SHROOM4: variants seen among roughly 807,000 people sequenced by gnomAD.
The protein encoded by SHROOM4 is protein Shroom4.
A neutral mutation model predicts 80.3 loss-of-function variants in SHROOM4; 17 were observed. The ratio of observed to expected loss-of-function variants is 0.21; its 90% CI spans 0.14 to 0.32. The LOEUF (loss-of-function observed/expected upper bound fraction) is 0.32. SHROOM4 is among the 10% of genes least tolerant of loss of function. SHROOM4 has a pLI of 1.00. For missense variants in SHROOM4, 993 were observed against 1,140.3 expected, an observed-to-expected ratio of 0.87 and a Z score of 1.86; for synonymous variants, 400 against 437.5, an observed-to-expected ratio of 0.91 and a Z score of 1.07.
At chrX:50,743,606 T>C (rs193184041) in intron 1 of SHROOM4, among the ~76,000 whole-genome samples, 39 of 109,943 alleles carry the variant, frequency 3.5e-4, no homozygotes, top group African/African-American at 1.3e-3. Context: ...TATAGGCACG[T>C]GCCACTACAC....
chrX:50,723,393 G>GGAGAGGGAGAGA (rs1557265632), intron 1 of SHROOM4, among the ~76,000 whole-genome samples: 1 of 54,481 alleles, frequency 1.8e-5, no homozygotes, highest in Non-Finnish European at 3.3e-5. Flanking sequence ...AGCAAGGGAG[G>GGAGAGGGAGAGA]GAGAGAGAGA....
At chrX:50,630,420 C>T (rs1931006386) in intron 4 of SHROOM4, among the ~76,000 whole-genome samples, 1 of 111,714 alleles carries the variant, frequency 9.0e-6, no homozygotes, top group Admixed American at 9.5e-5. Flanking sequence ...ATCCCCACAA[C>T]CAACTTATGA....
intron 1 of SHROOM4, 87 bp from the exon 2 acceptor site, chrX:50,696,024 C>T: frequency 9.5e-7 from 1 of 1,057,460 alleles, no homozygotes; most frequent in Non-Finnish European, 1.3e-6. Context: ...CCTGGAGCCA[C>T]AAGTAGTACT....
intron 2 of SHROOM4, among the ~76,000 whole-genome samples, chrX:50,690,222 T>C (rs1933186417): frequency 8.9e-6 from 1 of 112,114 alleles, no homozygotes; most frequent in African/African-American, 3.2e-5. Context: ...TTAAGTTCTC[T>C]GAGATTTTCA....
chrX:50,766,361 CACA>C (rs1208146130), intron 1 of SHROOM4, among the ~76,000 whole-genome samples: 1 of 111,421 alleles, frequency 9.0e-6, no homozygotes, highest in East Asian at 2.8e-4. Flanking sequence ...GACACACACA[CACA>C]CAGGATCACA....
chrX:50,732,747 C>G (rs1418929359), intron 1 of SHROOM4, among the ~76,000 whole-genome samples: 1 of 112,239 alleles, frequency 8.9e-6, no homozygotes. Context: ...ATAACCTTAA[C>G]AAGTGAAGAG....
At chrX:50,666,857 A>G (rs1485051549) in intron 2 of SHROOM4, among the ~76,000 whole-genome samples, 1 of 108,115 alleles carries the variant, frequency 9.2e-6, no homozygotes, top group Non-Finnish European at 1.9e-5. Context: ...CCCCCAGAGG[A>G]AAAAAAAAAC....
chrX:50,586,928 G>GT lies in SHROOM4; in HGVS notation c.*9766dup, dbSNP rs1306984516. 5.4e-5 allele frequency among the ~76,000 whole-genome samples: 6 copies of GT among 111,813 alleles called. No individual in the cohort carries two copies. The highest frequency in any genetic ancestry group is 1.1e-4 in the Non-Finnish European group (6 of 53,110). Reference sequence around the variant, plus strand: ...CCTCACATAATTACCCTCTTTTGCAGTAAGAGCACCTGAAATCTACTCTTA... The same window carrying GT: ...CCTCACATAATTACCCTCTTTTGCAGTTAAGAGCACCTGAAATCTACTCTTA... On this transcript the variant is annotated 3_prime_UTR_variant, in exon 9 of 9. Coordinates refer to ENST00000376020, the MANE Select transcript of SHROOM4 (RefSeq NM_020717.5).
At chrX:50,807,086 T>C (rs1936240247) in intron 1 of SHROOM4, among the ~76,000 whole-genome samples, 1 of 112,217 alleles carries the variant, frequency 8.9e-6, no homozygotes. Flanking sequence ...AAGACACGTT[T>C]CCTAGACCTC....
Position 50,618,542 on chromosome X carries a change from C to T in SHROOM4, c.2957+9072G>A, listed in dbSNP as rs140112292. 5.7e-3 allele frequency among the ~76,000 whole-genome samples: 618 copies of T among 109,237 alleles called. 15 individuals carry two copies. Among genetic ancestry groups the T allele is most frequent in the Admixed American group, 0.048 (488 of 10,139 alleles). The allele number at this position is 109,237 out of a possible 115,157, so 94.9% of individuals were successfully genotyped here. A position where few individuals can be genotyped will look rare whatever the true frequency, so the allele number is the denominator to read the frequency against. On this transcript the variant is annotated intron_variant, in intron 5 of 8. Transcript: ENST00000376020. ...ATGCCTCAGCCTCCCCGTGTGCCAC[C>T]ATGCCTAGCTAATTTTTGTATTTTT...
intron 2 of SHROOM4, among the ~76,000 whole-genome samples, chrX:50,667,653 AAAG>A (rs2147383285): frequency 8.9e-6 from 1 of 112,074 alleles, no homozygotes; most frequent in African/African-American, 3.2e-5. Flanking sequence ...TAGAACATGA[AAAG>A]AAATTTCAAA....
intron 1 of SHROOM4, among the ~76,000 whole-genome samples, chrX:50,790,116 C>A (rs1935825410): frequency 9.0e-6 from 1 of 111,478 alleles, no homozygotes; most frequent in Non-Finnish European, 1.9e-5. Context: ...TCTTATGGGA[C>A]CACTGTCACA....
intron 1 of SHROOM4, among the ~76,000 whole-genome samples, chrX:50,716,319 A>C (rs1186307904): frequency 1.8e-5 from 2 of 111,459 alleles, no homozygotes; most frequent in Non-Finnish European, 3.8e-5. Context: ...ACAATGTATC[A>C]TATTCTTGAA....
intron 2 of SHROOM4, among the ~76,000 whole-genome samples, chrX:50,662,856 C>T (rs1207947641): frequency 1.8e-5 from 2 of 110,021 alleles, no homozygotes; most frequent in Non-Finnish European, 3.8e-5. Context: ...CATTAATTCA[C>T]CTTGGAACCA....
At position 50,604,142 on chromosome X, in the gene SHROOM4, A is replaced by G. The variant is rs984580934; in HGVS notation, c.3762-1329T>C. On this transcript the variant is annotated intron_variant, in intron 6 of 8. Transcript: ENST00000376020. ...ACACAAAAGAAAGTTGGGCCCGCCAATATTTTTTATCCTAGGTAAATTCAT... is the reference window on the plus strand; with the variant it reads ...ACACAAAAGAAAGTTGGGCCCGCCAGTATTTTTTATCCTAGGTAAATTCAT... Among the ~76,000 whole-genome samples, 7 of 112,219 alleles carry G rather than the reference A, an allele frequency of 6.2e-5. No individual in the cohort carries two copies. The East Asian group carries it at 2.0e-3, about 32-fold the overall frequency.
chrX:50,794,932 C>A, intron 1 of SHROOM4, among the ~76,000 whole-genome samples: 1 of 95,826 alleles, frequency 1.0e-5, no homozygotes, highest in Non-Finnish European at 2.0e-5. Context: ...GTGTATGTGT[C>A]TATAAATATA....
intron 2 of SHROOM4, among the ~76,000 whole-genome samples, chrX:50,658,227 T>C (rs1406945782): frequency 1.8e-5 from 2 of 111,650 alleles, no homozygotes; most frequent in Non-Finnish European, 3.8e-5. Flanking sequence ...AGGTATTTTG[T>C]TGTGGTAGCA....
chrX:50,786,622 G>A (rs782469654), intron 1 of SHROOM4, among the ~76,000 whole-genome samples: 3 of 111,370 alleles, frequency 2.7e-5, no homozygotes, highest in Non-Finnish European at 5.6e-5. Flanking sequence ...GCTTTAAAAG[G>A]CCCCCTAAAT....
intron 5 of SHROOM4, among the ~76,000 whole-genome samples, chrX:50,611,694 C>T (rs782794686): frequency 2.1e-4 from 23 of 110,312 alleles, no homozygotes; most frequent in African/African-American, 7.2e-4. Flanking sequence ...CCGAGGCGGG[C>T]GGATCACTTG....
Sources: gnomAD v4.1 joint callset for allele counts (sites outside exome capture counted in the v4.1 genomes callset) on GRCh38, gnomAD v4.1.1 for gene constraint, MANE v1.5 for transcripts, NCBI Gene and HGNC (gene_info 2026-07-23, HGNC 2026-07-21) for gene names.